APBB2: variants seen among roughly 807,000 people sequenced by gnomAD.
The protein encoded by APBB2 is amyloid beta precursor protein binding family B member 2.
APBB2 carries 38 observed loss-of-function variants against 82.5 expected under a neutral mutation model. The observed-to-expected ratio is 0.46, with a 90% confidence interval of 0.36 to 0.60. The LOEUF (loss-of-function observed/expected upper bound fraction) is 0.60, where lower values mean the gene tolerates loss of function less well. Ranked by LOEUF, APBB2 falls within the 20% of genes least tolerant of loss-of-function variation. The pLI, the probability that APBB2 is intolerant of heterozygous loss-of-function variation, is 0.00. For synonymous variants in APBB2, 341 were observed against 368.2 expected, an observed-to-expected ratio of 0.93 and a Z score of 0.85; for missense variants, 772 against 972.3, an observed-to-expected ratio of 0.79 and a Z score of 2.74.
In APBB2 at chr4:40,917,786, A is replaced by C. The variant is rs76536916; in HGVS notation, c.1254+16670T>G. Among the ~76,000 whole-genome samples the C allele has an allele frequency of 3.2e-3, 491 of 152,348 alleles. 6 individuals carry two copies. In the East Asian group the frequency reaches 0.047, roughly 15 times the overall value. ...GAATGATGAGGAGTATTTGCAGAAC[A>C]GTAATGGTGAACTTCTTAAGAAAAA... On this transcript the variant is annotated intron_variant, in intron 10 of 17. Transcript: ENST00000508593.
At chr4:40,923,337 C>T (rs1176709217) in intron 10 of APBB2, among the ~76,000 whole-genome samples, 1 of 152,304 alleles carries the variant, frequency 6.6e-6, no homozygotes, top group African/African-American at 2.4e-5. Flanking sequence ...ATCTAAATAC[C>T]AGTATCTGGC....
At chr4:40,936,864 C>T (rs1007355141) in intron 7 of APBB2, among the ~76,000 whole-genome samples, 3 of 152,058 alleles carry the variant, frequency 2.0e-5, no homozygotes, top group African/African-American at 7.2e-5. Flanking sequence ...CCTGTTAGCT[C>T]GGAGGAGCTA....
At chr4:40,882,033 T>A (rs1467907439) in intron 12 of APBB2, among the ~76,000 whole-genome samples, 2 of 151,344 alleles carry the variant, frequency 1.3e-5, no homozygotes, top group Non-Finnish European at 3.0e-5. Flanking sequence ...CAGACTGCGC[T>A]GTGTGAGTGG....
chr4:40,936,244 C>T (rs763886054), intron 7 of APBB2, among the ~76,000 whole-genome samples: 1 of 152,132 alleles, frequency 6.6e-6, no homozygotes, highest in Non-Finnish European at 1.5e-5. Flanking sequence ...TCGAAAGATG[C>T]ATTTATTTTG....
intron 2 of APBB2, among the ~76,000 whole-genome samples, chr4:41,123,710 C>T (rs1013037930): frequency 5.3e-5 from 8 of 152,106 alleles, no homozygotes; most frequent in Admixed American, 2.0e-4. Flanking sequence ...GCAGTACCAG[C>T]TACTCAGGAG....
At chr4:40,930,404 C>G (rs1436341959) in intron 10 of APBB2, among the ~76,000 whole-genome samples, 1 of 150,028 alleles carries the variant, frequency 6.7e-6, no homozygotes, top group African/African-American at 2.5e-5. Context: ...TAGAAAAAGA[C>G]TTTGCTCTTT....
At position 41,026,297 on chromosome 4, in the gene APBB2, A is replaced by G. The variant is rs144635009; in HGVS notation, c.19+6939T>C. On this transcript the variant is annotated intron_variant, in intron 5 of 17. Transcript: ENST00000508593. ...AAAGCCCCATGACATGTGTTTACCT[A>G]TGTAACAAACCTTCACATGTACCCC... Among the ~76,000 whole-genome samples, 260 of 152,326 alleles carry G rather than the reference A, an allele frequency of 1.7e-3. 1 individual carries two copies. Among genetic ancestry groups the G allele is most frequent in the African/African-American group, 6.1e-3 (252 of 41,578 alleles).
intron 6 of APBB2, among the ~76,000 whole-genome samples, chr4:40,964,976 T>C (rs1024495891): frequency 1.3e-5 from 2 of 151,938 alleles, no homozygotes; most frequent in Non-Finnish European, 2.9e-5. Context: ...AAAAATTAGC[T>C]GGGCGTGGTG....
At chr4:41,201,996 G>A (rs900473929) in intron 1 of APBB2, among the ~76,000 whole-genome samples, 1 of 152,174 alleles carries the variant, frequency 6.6e-6, no homozygotes, top group Admixed American at 6.5e-5. Flanking sequence ...CCCGCTCCTC[G>A]GAGCTTCAGA....
chr4:41,192,496 G>A (rs1044402998), intron 1 of APBB2, among the ~76,000 whole-genome samples: 2 of 152,080 alleles, frequency 1.3e-5, no homozygotes, highest in Admixed American at 6.5e-5. Flanking sequence ...CAACATGGAC[G>A]AACCTAGAAG....
In APBB2 at chr4:41,204,388, G is replaced by A. The variant is rs898267016; in HGVS notation, c.-417+10017C>T. Among the ~76,000 whole-genome samples, 8 of 152,272 alleles carry A rather than the reference G, an allele frequency of 5.3e-5. No homozygotes were observed. The South Asian group carries it at 6.2e-4, about 12-fold the overall frequency. ...GCAGCCTCCAAGGTGAGAAGCAACC[G>A]AGGTGGGAGGGAAGGTGGAGGCACG... On this transcript the variant is annotated intron_variant, in intron 1 of 17. Transcript: ENST00000508593.
At chr4:40,860,116 G>C (rs1762409033) in intron 12 of APBB2, among the ~76,000 whole-genome samples, 2 of 152,310 alleles carry the variant, frequency 1.3e-5, no homozygotes, top group Non-Finnish European at 2.9e-5. Flanking sequence ...ACAGAGTCTG[G>C]TTTTGTTTCT....
intron 12 of APBB2, chr4:40,880,807 C>T (rs1768256049): frequency 1.0e-6 from 1 of 985,286 alleles, no homozygotes; most frequent in Admixed American, 6.2e-5. Flanking sequence ...CTCAAGCCCC[C>T]ACACGTCACT....
chr4:41,018,542 G>A (rs1810627770), intron 5 of APBB2, among the ~76,000 whole-genome samples: 3 of 152,154 alleles, frequency 2.0e-5, no homozygotes, highest in Non-Finnish European at 4.4e-5. Flanking sequence ...TTGACCCTGA[G>A]GCAACAGCAG....
chr4:41,206,866 G>T (rs13134267), intron 1 of APBB2, among the ~76,000 whole-genome samples: 12,138 of 152,174 alleles, frequency 0.08, 690 homozygotes, highest in Non-Finnish European at 0.12. Context: ...AGAAACAGAA[G>T]GAAGATCAGA....
intron 12 of APBB2, among the ~76,000 whole-genome samples, chr4:40,884,804 G>T (rs914995616): frequency 6.6e-6 from 1 of 151,934 alleles, no homozygotes; most frequent in African/African-American, 2.4e-5. Flanking sequence ...CCAGGGTCTT[G>T]GTGGATAAAT....
At chr4:40,864,256 A>AAAAACAAAACAAAACAAAACAAAAC (rs367804062) in intron 12 of APBB2, among the ~76,000 whole-genome samples, 3 of 149,894 alleles carry the variant, frequency 2.0e-5, no homozygotes, top group Non-Finnish European at 4.4e-5. Flanking sequence ...CCGTCTCAAT[A>AAAAACAAAACAAAACAAAACAAAAC]AAAACAAAAC....
At chr4:40,945,100 G>A in intron 6 of APBB2, 27 bp from the exon 7 acceptor site, 3 of 1,055,408 alleles carry the variant, frequency 2.8e-6, no homozygotes, top group Non-Finnish European at 1.4e-6. Flanking sequence ...CGGGGCGGGG[G>A]GAGAAAGAGA....
At chr4:40,843,030 C>T (rs1415639256) in intron 12 of APBB2, among the ~76,000 whole-genome samples, 2 of 152,096 alleles carry the variant, frequency 1.3e-5, no homozygotes, top group African/African-American at 4.8e-5. Context: ...CTTGGAGTTC[C>T]CTCCCTGAGC....
Sources: allele counts gnomAD v4.1 joint callset (sites outside exome capture counted in the v4.1 genomes callset), GRCh38; gene constraint gnomAD v4.1.1; transcripts MANE v1.5; gene names NCBI Gene and HGNC (gene_info 2026-07-23, HGNC 2026-07-21).